The following ASPH variants were observed in gnomAD, a reference collection of about 807,000 sequenced individuals.
ASPH encodes the protein aspartate beta-hydroxylase.
ASPH carries 100 observed loss-of-function variants against 118.4 expected under a neutral mutation model. The ratio of observed to expected loss-of-function variants is 0.84; its 90% confidence interval spans 0.72 to 1.00. The LOEUF (loss-of-function observed/expected upper bound fraction) is 1.00, where lower values mean the gene tolerates loss of function less well. Ranked by LOEUF, ASPH falls within the 50% of genes least tolerant of loss-of-function variation. The probability of loss-of-function intolerance (pLI) is 0.00; values close to 1 mark genes in which losing one functional copy is unlikely to be tolerated. For synonymous variants in ASPH, 315 were observed against 325.6 expected, an observed-to-expected ratio of 0.97 and a Z score of 0.35; for missense variants, 920 against 919.5, an observed-to-expected ratio of 1.00 and a Z score of -0.01.
At chr8:61,626,073 TA>T (rs931291674) in intron 13 of ASPH, 1 of 1,242,552 alleles carries the variant, frequency 8.0e-7, no homozygotes, top group African/African-American at 1.6e-5. Flanking sequence ...ATGACATTTT[TA>T]GAAATGTGTG....
At chr8:61,668,589 A>T (rs1181683605) in intron 3 of ASPH, among the ~76,000 whole-genome samples, 3 of 152,204 alleles carry the variant, frequency 2.0e-5, no homozygotes, top group Non-Finnish European at 4.4e-5. Context: ...ACTCAGTGGT[A>T]GACTTCCGCT....
chr8:61,568,696 G>A (rs1832572053), intron 16 of ASPH, among the ~76,000 whole-genome samples: 2 of 152,264 alleles, frequency 1.3e-5, no homozygotes, highest in South Asian at 4.1e-4. Flanking sequence ...TGTAGACAGA[G>A]AAAAGAAGCG....
chr8:61,578,247 T>A, intron 15 of ASPH: 1 of 1,581,628 alleles, frequency 6.3e-7, no homozygotes, highest in Non-Finnish European at 8.6e-7. Context: ...CCAGAAGTCC[T>A]ACAAGGTGTC....
At chr8:61,524,107 C>A (rs1025996037) in intron 22 of ASPH, among the ~76,000 whole-genome samples, 6 of 152,116 alleles carry the variant, frequency 3.9e-5, no homozygotes, top group African/African-American at 1.4e-4. Flanking sequence ...GAAGCAACTA[C>A]AACAGATTGG....
intron 3 of ASPH, chr8:61,659,651 T>C (rs1815712916): frequency 6.6e-6 from 1 of 152,246 alleles, no homozygotes; most frequent in East Asian, 1.9e-4. Flanking sequence ...ATTATATTCT[T>C]AGGCAAATGG....
At chr8:61,682,479 T>A (rs752066135) in intron 2 of ASPH, 1 of 1,612,526 alleles carries the variant, frequency 6.2e-7, no homozygotes, top group South Asian at 1.1e-5. Flanking sequence ...AGTCCTTTGC[T>A]TTGGCTGCAT....
chr8:61,527,687 G>T lies in ASPH; in HGVS notation c.1765-1575C>A, dbSNP rs370017363. Among the ~76,000 whole-genome samples the T allele has an allele frequency of 1.2e-3, 190 of 152,110 alleles. 2 individuals are homozygous for T. The highest frequency in any genetic ancestry group is 4.3e-3 in the African/African-American group (177 of 41,436). ...AAAGTACACTCCCAGGAAGGGTGGC[G>T]GGGGGAAGGAGATGACAAAGGCCAA... On this transcript the variant is annotated intron_variant, in intron 21 of 24. Coordinates refer to ENST00000379454, the MANE Select transcript of ASPH (RefSeq NM_004318.4).
At chr8:61,677,258 T>C (rs914113848) in intron 3 of ASPH, among the ~76,000 whole-genome samples, 2 of 152,158 alleles carry the variant, frequency 1.3e-5, no homozygotes, top group African/African-American at 4.8e-5. Flanking sequence ...ATTTGTTTTT[T>C]TCCTGTGAAG....
At chr8:61,568,088 A>C (rs1025476270) in intron 16 of ASPH, among the ~76,000 whole-genome samples, 1 of 152,202 alleles carries the variant, frequency 6.6e-6, no homozygotes, top group African/African-American at 2.4e-5. Flanking sequence ...GAGGTAAAGT[A>C]GGGCCTGGCA....
intron 5 of ASPH, among the ~76,000 whole-genome samples, chr8:61,648,227 A>G: frequency 6.6e-6 from 1 of 152,188 alleles, no homozygotes; most frequent in South Asian, 2.1e-4. Flanking sequence ...CATTATCACC[A>G]TTATTACAGT....
At chr8:61,611,027 A>T (rs1372081590) in intron 14 of ASPH, among the ~76,000 whole-genome samples, 1 of 152,220 alleles carries the variant, frequency 6.6e-6, no homozygotes, top group Non-Finnish European at 1.5e-5. Context: ...ATGAATGAAT[A>T]AATTTTTAAA....
At chr8:61,517,078 A>G (rs1434035804) in intron 24 of ASPH, 1 of 153,874 alleles carries the variant, frequency 6.5e-6, no homozygotes, top group Admixed American at 6.4e-5. Flanking sequence ...AAAGGCAGCC[A>G]GCTTCCATTG....
At chr8:61,653,110 G>A (rs12677072) in intron 4 of ASPH, among the ~76,000 whole-genome samples, 1 of 152,094 alleles carries the variant, frequency 6.6e-6, no homozygotes, top group East Asian at 1.9e-4. Flanking sequence ...CACAAAACAG[G>A]CTCCATAGAT....
chr8:61,653,705 T>C, intron 3 of ASPH, 45 bp from the exon 4 acceptor site: 1 of 1,574,136 alleles, frequency 6.4e-7, no homozygotes, highest in Non-Finnish European at 8.7e-7. Flanking sequence ...TTTGTGGGGT[T>C]TTCTGTCACA....
At position 61,628,323 on chromosome 8, in the gene ASPH, C is replaced by CTTTTTTTT. The variant is rs398008041; in HGVS notation, c.934+5352_934+5359dup. The CTTTTTTTT allele has an allele frequency of 4.6e-4, 91 of 196,682 alleles. 3 individuals carry two copies. The African/African-American group carries it at 4.8e-3, about 10-fold the overall frequency. The allele number at this position is 196,682 out of a possible 1,614,324, so 12.2% of individuals were successfully genotyped here. On this transcript the variant is annotated intron_variant, in intron 13 of 24. Coordinates refer to ENST00000379454, the MANE Select transcript of ASPH (RefSeq NM_004318.4). ...TACAGGCACGTGACACCAAGCCCGG[C>CTTTTTTTT]TTTTTTTTTTTTTTTTTTTTTTTTT...
intron 20 of ASPH, among the ~76,000 whole-genome samples, chr8:61,548,552 C>T (rs1824733368): frequency 6.6e-6 from 1 of 152,056 alleles, no homozygotes; most frequent in Non-Finnish European, 1.5e-5. Flanking sequence ...CACCAAAGGG[C>T]CTTTTCTATT....
At chr8:61,663,642 GT>G in intron 3 of ASPH, 1 of 985,258 alleles carries the variant, frequency 1.0e-6, no homozygotes, top group Non-Finnish European at 1.2e-6. Context: ...CTTGTAATGT[GT>G]AAAAATGGCA....
At chr8:61,523,817 G>C (rs1814183584) in intron 22 of ASPH, among the ~76,000 whole-genome samples, 1 of 151,582 alleles carries the variant, frequency 6.6e-6, no homozygotes, top group East Asian at 1.9e-4. Flanking sequence ...AGGCTGAGTG[G>C]AGTGGCTTAT....
intron 3 of ASPH, among the ~76,000 whole-genome samples, chr8:61,676,947 AT>A (rs1825709058): frequency 6.6e-6 from 1 of 152,124 alleles, no homozygotes; most frequent in African/African-American, 2.4e-5. Flanking sequence ...AACTCAGATA[AT>A]TTTAACACTT....
Sources: gnomAD v4.1 joint callset for allele counts (sites outside exome capture counted in the v4.1 genomes callset) on GRCh38, gnomAD v4.1.1 for gene constraint, MANE v1.5 for transcripts, NCBI Gene and HGNC (gene_info 2026-07-23, HGNC 2026-07-21) for gene names.